The following SNX30 variants were observed in gnomAD, a reference collection of about 807,000 sequenced individuals.
The protein encoded by SNX30 is sorting nexin family member 30.
In SNX30, 24 loss-of-function variants were observed where a neutral mutation model predicts 46.4. The ratio of observed to expected loss-of-function variants is 0.52; its 90% CI spans 0.37 to 0.73. The LOEUF (loss-of-function observed/expected upper bound fraction) is 0.73, where lower values mean the gene tolerates loss of function less well. SNX30 is among the 30% of genes least tolerant of loss of function. The pLI is 0.00. For synonymous variants in SNX30, 189 were observed against 211.5 expected (o/e 0.89, Z 0.92); for missense variants, 533 against 555.7 (o/e 0.96, Z 0.41).
chr9:112,882,962 G>T (rs1841599214), downstream of SNX30, among the ~76,000 whole-genome samples: 1 of 152,208 alleles, frequency 6.6e-6, no homozygotes, highest in South Asian at 2.1e-4. Flanking sequence ...AAAGCCAGAA[G>T]AATGAGGTGT....
intron 5 of SNX30, 116 bp from the exon 6 acceptor site, chr9:112,838,382 A>C: frequency 5.0e-6 from 4 of 798,978 alleles, no homozygotes; most frequent in Non-Finnish European, 8.0e-6. Context: ...AGGTGAGTGA[A>C]TGGCCAAAGA....
At chr9:112,817,290 A>G (rs1840411093) in intron 2 of SNX30, among the ~76,000 whole-genome samples, 1 of 151,552 alleles carries the variant, frequency 6.6e-6, no homozygotes, top group South Asian at 2.1e-4. Flanking sequence ...TTTTTCTGCT[A>G]AAAGAAATTG....
intron 4 of SNX30, among the ~76,000 whole-genome samples, chr9:112,834,880 A>ACACACC (rs1840726777): frequency 1.3e-5 from 1 of 79,026 alleles, no homozygotes. Flanking sequence ...ACACACACAC[A>ACACACC]CACCTACCTC....
intron 1 of SNX30, among the ~76,000 whole-genome samples, chr9:112,775,836 G>C (rs755968130): frequency 1.5e-4 from 20 of 133,166 alleles, no homozygotes; most frequent in Non-Finnish European, 2.3e-4. Context: ...TTTGTACCAC[G>C]CTTTACACAT....
At chr9:112,812,821 T>C (rs761550972) in intron 2 of SNX30, among the ~76,000 whole-genome samples, 5 of 152,212 alleles carry the variant, frequency 3.3e-5, no homozygotes, top group Non-Finnish European at 7.3e-5. Context: ...GAAATCCTTA[T>C]GTACAATTAA....
Position 112,751,063 on chromosome 9 carries a change from C to A in SNX30, c.62C>A (p.Pro21Gln). The A allele has an allele frequency of 6.7e-7, 1 of 1,497,176 alleles. No homozygotes were observed. Among genetic ancestry groups the A allele is most frequent in the Non-Finnish European group, 8.9e-7 (1 of 1,129,402 alleles). 92.7% of individuals were successfully genotyped at this position (1,497,176 alleles called of 1,614,324 possible). A position where few individuals can be genotyped will look rare whatever the true frequency, so the allele number is the denominator to read the frequency against. Reference sequence around the variant, plus strand: ...GGGCCCCACTCCCTGCGCGACATGCCGCACCCGCTGGCCGGCTCCAGCAGC... The same window carrying A: ...GGGCCCCACTCCCTGCGCGACATGCAGCACCCGCTGGCCGGCTCCAGCAGC... ...STGPHSLRDM[P>Q]HPLAGSSSEE... Residue 21 changes from proline to glutamine, a missense_variant, in exon 1 of 9, where the codon CCG becomes CAG. Coordinates refer to ENST00000374232, the MANE Select transcript of SNX30 (RefSeq NM_001012994.2).
In SNX30 at chr9:112,850,982, A is replaced by C. The variant is rs774644267; in HGVS notation, c.1101+37A>C. The C allele has an allele frequency of 2.6e-6, 4 of 1,515,624 alleles. No individual in the cohort carries two copies. In the African/African-American group the frequency reaches 5.5e-5, roughly 21 times the overall value. The allele number at this position is 1,515,624 out of a possible 1,614,324, so 93.9% of individuals were successfully genotyped here. On this transcript the variant is annotated intron_variant, in intron 7 of 8. Transcript: ENST00000374232. ...CACCTGGGAAGGGCTGCAAAGCTGT[A>C]GTCTCCCTGCTGGTGCTAAGTAAAT...
chr9:112,778,893 G>C (rs1445744962), intron 1 of SNX30, among the ~76,000 whole-genome samples: 4 of 8,166 alleles, frequency 4.9e-4, no homozygotes, highest in African/African-American at 1.5e-3. Context: ...AGAGAACTTG[G>C]GGGGGGGGGA....
chr9:112,787,745 A>G (rs1294712212), intron 1 of SNX30, among the ~76,000 whole-genome samples: 1 of 151,196 alleles, frequency 6.6e-6, no homozygotes, highest in Non-Finnish European at 1.5e-5. Flanking sequence ...TTTCAGAGAG[A>G]CAGTCCCTAT....
intron 8 of SNX30, among the ~76,000 whole-genome samples, chr9:112,867,236 C>A (rs1445093354): frequency 5.3e-5 from 8 of 149,896 alleles, no homozygotes; most frequent in African/African-American, 2.0e-4. Flanking sequence ...AGAACTCCTG[C>A]CTCCTCAGGA....
downstream of SNX30, chr9:112,879,525 G>T (rs916611059): frequency 2.0e-6 from 1 of 494,090 alleles, no homozygotes; most frequent in East Asian, 3.1e-5. Flanking sequence ...ACAGAACCCA[G>T]TGTCTGCCTA....
chr9:112,884,537 C>G (rs1841621253), downstream of SNX30, among the ~76,000 whole-genome samples: 1 of 152,192 alleles, frequency 6.6e-6, no homozygotes, highest in African/African-American at 2.4e-5. Flanking sequence ...TTTGAATCAC[C>G]TGGAGAGCTT....
chr9:112,838,299 T>C (rs755556362), intron 5 of SNX30, among the ~76,000 whole-genome samples, 199 bp from the exon 6 acceptor site: 1 of 152,228 alleles, frequency 6.6e-6, no homozygotes, highest in African/African-American at 2.4e-5. Flanking sequence ...AATGGATTGA[T>C]GTAACATGAG....
At chr9:112,754,457 C>G (rs1839319993) in intron 1 of SNX30, among the ~76,000 whole-genome samples, 1 of 134,308 alleles carries the variant, frequency 7.4e-6, no homozygotes, top group Non-Finnish European at 1.5e-5. Flanking sequence ...GTTGCCTAGG[C>G]TAGAGTGCAG....
intron 2 of SNX30, among the ~76,000 whole-genome samples, chr9:112,813,579 C>T (rs1840352105): frequency 6.6e-6 from 1 of 151,168 alleles, no homozygotes; most frequent in Admixed American, 6.6e-5. Flanking sequence ...AGCAGTTCTC[C>T]TGCCTCAGCC....
intron 3 of SNX30, among the ~76,000 whole-genome samples, chr9:112,818,852 A>G (rs1287853860): frequency 6.6e-6 from 1 of 152,198 alleles, no homozygotes; most frequent in Non-Finnish European, 1.5e-5. Context: ...GATAGGAACG[A>G]TGGCTCTCAC....
chr9:112,826,771 G>A (rs928040526), intron 3 of SNX30, among the ~76,000 whole-genome samples: 3 of 152,220 alleles, frequency 2.0e-5, no homozygotes, highest in Non-Finnish European at 1.5e-5. Context: ...AAAAGCTGGG[G>A]TATGAGAATG....
chr9:112,843,531 C>T (rs1840889329), intron 6 of SNX30, among the ~76,000 whole-genome samples: 1 of 150,766 alleles, frequency 6.6e-6, no homozygotes, highest in Admixed American at 6.6e-5. Flanking sequence ...AGAGTCTTTG[C>T]AGATCAGAAA....
intron 3 of SNX30, among the ~76,000 whole-genome samples, chr9:112,819,032 T>C (rs1840449460): frequency 1.3e-5 from 2 of 152,200 alleles, no homozygotes; most frequent in South Asian, 4.1e-4. Flanking sequence ...AATCTTAAGG[T>C]GGCAAAATAG....
Sources: gnomAD v4.1 joint callset for allele counts (sites outside exome capture counted in the v4.1 genomes callset) on GRCh38, gnomAD v4.1.1 for gene constraint, MANE v1.5 for transcripts, NCBI Gene and HGNC (gene_info 2026-07-23, HGNC 2026-07-21) for gene names.